KIAA1549L: variants seen among roughly 807,000 people sequenced by gnomAD.
KIAA1549L encodes UPF0606 protein KIAA1549L.
In KIAA1549L, 88 loss-of-function variants were observed where a neutral mutation model predicts 160.7. That is an observed-to-expected ratio of 0.55 (90% CI 0.46 to 0.65). KIAA1549L has a LOEUF of 0.65. Among genes scored for constraint, KIAA1549L ranks in the 30% least tolerant of loss-of-function variants. KIAA1549L has a pLI of 0.00. For synonymous variants in KIAA1549L, 950 were observed against 976.7 expected (o/e 0.97, Z 0.51); for missense variants, 2,258 against 2,437.5 (o/e 0.93, Z 1.55).
At chr11:33,549,212 T>C (rs751428500) in intron 4 of KIAA1549L, among the ~76,000 whole-genome samples, 11 of 152,184 alleles carry the variant, frequency 7.2e-5, no homozygotes, top group Non-Finnish European at 1.5e-4. Flanking sequence ...CATTTGATAT[T>C]ACCACCATAA....
chr11:33,403,719 C>T (rs973168035), intron 1 of KIAA1549L: 1 of 152,242 alleles, frequency 6.6e-6, no homozygotes, highest in Non-Finnish European at 1.5e-5. Context: ...CTTTGCTTCT[C>T]CTCCTTCTCT....
intron 1 of KIAA1549L, among the ~76,000 whole-genome samples, chr11:33,435,798 A>ATATGTGTGTGTGTGTG (rs1565135870): frequency 3.9e-4 from 3 of 7,624 alleles, no homozygotes; most frequent in South Asian, 9.9e-3. Context: ...ATATATATAT[A>ATATGTGTGTGTGTGTG]TATATATATA....
At chr11:33,535,778 A>G (rs1853880663) in intron 1 of KIAA1549L, among the ~76,000 whole-genome samples, 1 of 152,186 alleles carries the variant, frequency 6.6e-6, no homozygotes, top group Non-Finnish European at 1.5e-5. Flanking sequence ...GGGTCACATT[A>G]GAGTCTGCCT....
intron 1 of KIAA1549L, among the ~76,000 whole-genome samples, chr11:33,525,560 A>G (rs1287326446): frequency 1.3e-5 from 2 of 150,958 alleles, no homozygotes; most frequent in African/African-American, 4.9e-5. Context: ...CGACCTAAGC[A>G]TAAATTTTCC....
chr11:33,556,501 G>T (rs1353394201), intron 6 of KIAA1549L, among the ~76,000 whole-genome samples: 1 of 152,174 alleles, frequency 6.6e-6, no homozygotes, highest in African/African-American at 2.4e-5. Flanking sequence ...AATAATGGAT[G>T]ATTGGAATGC....
chr11:33,412,780 G>A (rs576707469), intron 1 of KIAA1549L, among the ~76,000 whole-genome samples: 2 of 152,296 alleles, frequency 1.3e-5, no homozygotes, highest in East Asian at 3.9e-4. Context: ...GAAGTATTAT[G>A]TAAACGGATT....
intron 15 of KIAA1549L, among the ~76,000 whole-genome samples, chr11:33,611,244 C>G (rs1850641427): frequency 6.6e-6 from 1 of 152,174 alleles, no homozygotes; most frequent in Admixed American, 6.5e-5. Context: ...TCCCTCTGGC[C>G]TTGAGCATGC....
At chr11:33,571,528 G>C (rs181138346) in intron 9 of KIAA1549L, among the ~76,000 whole-genome samples, 225 of 152,272 alleles carry the variant, frequency 1.5e-3, no homozygotes, top group Non-Finnish European at 2.4e-3. Flanking sequence ...TCTGCTTCTG[G>C]AAAGGCCTAA....
chr11:33,536,260 G>T (rs981325385), intron 1 of KIAA1549L, among the ~76,000 whole-genome samples: 5 of 152,258 alleles, frequency 3.3e-5, no homozygotes, highest in Non-Finnish European at 5.9e-5. Flanking sequence ...AATTCAGACA[G>T]GGCACAGTGC....
intron 1 of KIAA1549L, among the ~76,000 whole-genome samples, chr11:33,477,520 A>AACACACAC (rs57378048): frequency 6.8e-6 from 1 of 146,914 alleles, no homozygotes; most frequent in South Asian, 2.1e-4. Flanking sequence ...CACACACACA[A>AACACACAC]ACACACACAC....
At chr11:33,585,650 A>G (rs549411159) in intron 11 of KIAA1549L, among the ~76,000 whole-genome samples, 1 of 152,384 alleles carries the variant, frequency 6.6e-6, no homozygotes, top group Non-Finnish European at 1.5e-5. Flanking sequence ...AATACAAAAC[A>G]TGCCATACTG....
chr11:33,609,574 T>C (rs1212934152), intron 14 of KIAA1549L, among the ~76,000 whole-genome samples, 175 bp from the exon 15 acceptor site: 1 of 152,188 alleles, frequency 6.6e-6, no homozygotes, highest in East Asian at 1.9e-4. Context: ...ACAGTATCTA[T>C]AGTCTACTGT....
At chr11:33,432,416 A>G (rs555756763) in intron 1 of KIAA1549L, among the ~76,000 whole-genome samples, 2 of 152,302 alleles carry the variant, frequency 1.3e-5, no homozygotes, top group South Asian at 4.1e-4. Flanking sequence ...GCAGTACCAA[A>G]TGGGTTTCTT....
At position 33,590,296 on chromosome 11, in the gene KIAA1549L, C is replaced by T. The variant is rs1401492368; in HGVS notation, c.4567-941C>T. Among the ~76,000 whole-genome samples the T allele has an allele frequency of 3.9e-5, 6 of 152,334 alleles. No homozygotes were observed. In the East Asian group the frequency reaches 7.7e-4, roughly 20 times the overall value. On this transcript the variant is annotated intron_variant, in intron 11 of 20. Transcript: ENST00000658780. ...TTGCAGTAACTTACCCAAGGTCACA[C>T]AGCTAATGAATGACGGAGTCGGGAT... is the stretch of plus-strand genomic sequence containing the variant.
In KIAA1549L at chr11:33,673,760, A is replaced by C. The variant is rs1027050961; in HGVS notation, c.*5606A>C. On this transcript the variant is annotated 3_prime_UTR_variant, in exon 21 of 21. Coordinates refer to ENST00000658780, the MANE Select transcript of KIAA1549L (RefSeq NM_012194.3). Reference sequence around the variant, plus strand: ...TGTTCCATGACACCATGTTTTGCCAAGGAAAAATAAAGAAATTCCTAAATT... The same window carrying C: ...TGTTCCATGACACCATGTTTTGCCACGGAAAAATAAAGAAATTCCTAAATT... 5 of 152,234 alleles carry C rather than the reference A, an allele frequency of 3.3e-5. No individual in the cohort carries two copies. 9.4% of individuals were successfully genotyped at this position (152,234 alleles called of 1,614,324 possible). A position where few individuals can be genotyped will look rare whatever the true frequency, so the allele number is the denominator to read the frequency against.
chr11:33,473,134 G>A (rs888266814), intron 1 of KIAA1549L, among the ~76,000 whole-genome samples: 10 of 152,182 alleles, frequency 6.6e-5, no homozygotes, highest in Non-Finnish European at 1.5e-4. Flanking sequence ...TCTGTTTGGG[G>A]CTTTTCTGAT....
rs117542557 is a variant in KIAA1549L at position 33,584,999 on chromosome 11, C to G, written c.4566+1498C>G. 9.7e-3 allele frequency among the ~76,000 whole-genome samples: 1,477 copies of G among 152,282 alleles called. 14 individuals are homozygous for G. Among genetic ancestry groups the G allele is most frequent in the Non-Finnish European group, 0.014 (921 of 68,020 alleles). On this transcript the variant is annotated intron_variant, in intron 11 of 20. Transcript: ENST00000658780. ...CTTAGTTCTTTCTTGATGATCACACCTCACTTCAGCAAAAGAAATCAAAGG... is the reference window on the plus strand; with the variant it reads ...CTTAGTTCTTTCTTGATGATCACACGTCACTTCAGCAAAAGAAATCAAAGG...
chr11:33,451,492 C>G (rs1375364489), intron 1 of KIAA1549L, among the ~76,000 whole-genome samples: 1 of 152,178 alleles, frequency 6.6e-6, no homozygotes, highest in Non-Finnish European at 1.5e-5. Context: ...GCATTTCTCC[C>G]TACATTATTT....
At chr11:33,547,937 A>G in intron 4 of KIAA1549L, 58 bp downstream of exon 4, 1 of 1,099,210 alleles carries the variant, frequency 9.1e-7, no homozygotes, top group Non-Finnish European at 1.4e-6. Context: ...TTGGGTCTAG[A>G]ATATGTTTAG....
Sources: gnomAD v4.1 joint callset for allele counts (sites outside exome capture counted in the v4.1 genomes callset) on GRCh38, gnomAD v4.1.1 for gene constraint, MANE v1.5 for transcripts, NCBI Gene and HGNC (gene_info 2026-07-23, HGNC 2026-07-21) for gene names.